ATE1: variants seen among roughly 807,000 people sequenced by gnomAD.
ATE1 encodes the protein arginyl-tRNA--protein transferase 1.
Under a neutral mutation model 70.5 loss-of-function variants are expected in ATE1, and 36 were observed. The observed-to-expected ratio is 0.51, with a 90% CI of 0.39 to 0.67. The LOEUF (loss-of-function observed/expected upper bound fraction) is 0.67. Ranked by LOEUF, ATE1 falls within the 30% of genes least tolerant of loss-of-function variation. The probability of loss-of-function intolerance (pLI) is 0.00; values close to 1 mark genes in which losing one functional copy is unlikely to be tolerated. For missense variants in ATE1, 593 were observed against 629.5 expected, an observed-to-expected ratio of 0.94 and a Z score of 0.62; for synonymous variants, 232 against 219.3, an observed-to-expected ratio of 1.06 and a Z score of -0.51.
At chr10:121,888,954 A>T (rs937727124) in intron 7 of ATE1, among the ~76,000 whole-genome samples, 2 of 152,256 alleles carry the variant, frequency 1.3e-5, no homozygotes, top group Non-Finnish European at 2.9e-5. Flanking sequence ...TCAAGAAAAT[A>T]CCGGTAGTGA....
intron 8 of ATE1, among the ~76,000 whole-genome samples, chr10:121,856,008 G>A (rs1056750598): frequency 3.8e-4 from 57 of 150,632 alleles, no homozygotes; most frequent in Admixed American, 9.9e-4. Context: ...CCCAGGAGGC[G>A]GAGACTGCAG....
At chr10:121,882,747 T>C (rs1056422741) in intron 7 of ATE1, among the ~76,000 whole-genome samples, 3 of 152,204 alleles carry the variant, frequency 2.0e-5, no homozygotes, top group Non-Finnish European at 2.9e-5. Flanking sequence ...AGTCTATCAC[T>C]GGGCACATTT....
chr10:121,859,095 C>A (rs1400444894), intron 8 of ATE1, among the ~76,000 whole-genome samples: 3 of 150,630 alleles, frequency 2.0e-5, no homozygotes, highest in Non-Finnish European at 4.4e-5. Flanking sequence ...AACTCCGTCT[C>A]CAAAAAAAAG....
At chr10:121,863,771 A>T (rs1462756848) in intron 8 of ATE1, among the ~76,000 whole-genome samples, 1 of 152,092 alleles carries the variant, frequency 6.6e-6, no homozygotes, top group East Asian at 1.9e-4. Context: ...CACTACGCCC[A>T]GATAATTTTT....
At chr10:121,772,754 A>C (rs1352757863) in intron 11 of ATE1, among the ~76,000 whole-genome samples, 11 of 152,252 alleles carry the variant, frequency 7.2e-5, no homozygotes. Context: ...TCAACCGCTT[A>C]AGCAGAATTT....
At chr10:121,799,078 C>T (rs1036844992) in intron 10 of ATE1, among the ~76,000 whole-genome samples, 3 of 151,962 alleles carry the variant, frequency 2.0e-5, no homozygotes, top group Non-Finnish European at 2.9e-5. Flanking sequence ...AAATAACTTC[C>T]GAAAACCTTA....
chr10:121,850,873 C>T (rs1026531094), intron 8 of ATE1, among the ~76,000 whole-genome samples: 2 of 151,636 alleles, frequency 1.3e-5, no homozygotes, highest in Non-Finnish European at 2.9e-5. Flanking sequence ...GGGTGGATCA[C>T]GAGGTCAGGA....
chr10:121,876,043 T>C (rs1950039405), intron 7 of ATE1, among the ~76,000 whole-genome samples: 1 of 152,212 alleles, frequency 6.6e-6, no homozygotes, highest in Non-Finnish European at 1.5e-5. Flanking sequence ...AAATACTCAG[T>C]GTGGCACTCT....
intron 10 of ATE1, among the ~76,000 whole-genome samples, chr10:121,802,243 C>G (rs1447725297): frequency 6.6e-6 from 1 of 151,930 alleles, no homozygotes; most frequent in Non-Finnish European, 1.5e-5. Context: ...CTTTAACTCA[C>G]TCACCCCGGG....
At chr10:121,862,532 ATTTTTTTTTTT>A (rs35130703) in intron 8 of ATE1, among the ~76,000 whole-genome samples, 1 of 105,380 alleles carries the variant, frequency 9.5e-6, no homozygotes, top group East Asian at 2.7e-4. Flanking sequence ...AATTTTTTTA[ATTTTTTTTTTT>A]TTTTTTTTTT....
intron 3 of ATE1, among the ~76,000 whole-genome samples, chr10:121,919,537 G>A (rs1178210656): frequency 3.3e-5 from 5 of 151,950 alleles, no homozygotes; most frequent in Non-Finnish European, 7.4e-5. Context: ...CTCCAGCCTG[G>A]GCGACAGCAA....
intron 8 of ATE1, among the ~76,000 whole-genome samples, chr10:121,845,186 C>T (rs1188429845): frequency 6.6e-6 from 1 of 152,106 alleles, no homozygotes; most frequent in Non-Finnish European, 1.5e-5. Flanking sequence ...ACACTATCTC[C>T]AAGGTATGCC....
At position 121,902,398 on chromosome 10, in the gene ATE1, T is replaced by C. The variant is rs779797942; in HGVS notation, c.806A>G (p.Lys269Arg). The change falls in exon 6 of 12, where the codon AAG becomes AGG. Residue 269 changes from lysine to arginine, a missense_variant. Coordinates refer to ENST00000224652, the MANE Select transcript of ATE1 (RefSeq NM_001001976.3). ...FESLPENASHKLEVRVVRSSP... is the reference protein window; with the variant it reads ...FESLPENASHRLEVRVVRSSP... ...AAAAGTCCTCCAAAGTACCTCTAACTTGTGTGATGCATTCTCTGGTAAAGA... is the reference window on the plus strand; with the variant it reads ...AAAAGTCCTCCAAAGTACCTCTAACCTGTGTGATGCATTCTCTGGTAAAGA... The C allele has an allele frequency of 8.1e-6, 13 of 1,613,550 alleles. No individual in the cohort carries two copies. The Middle Eastern group carries it at 5.0e-4, about 61-fold the overall frequency.
Position 121,899,882 on chromosome 10 carries a change from G to A in ATE1, c.926C>T (p.Thr309Met), listed in dbSNP as rs762650353. 4.6e-5 allele frequency: 74 copies of A among 1,611,244 alleles called. No homozygotes were observed. Among genetic ancestry groups the A allele is most frequent in the Non-Finnish European group, 5.5e-5 (65 of 1,178,306 alleles). The change falls in exon 7 of 12, where the codon ACG becomes ATG. Residue 309 changes from threonine to methionine, a missense_variant. By Grantham distance (81) the Thr-to-Met change is moderately conservative. This residue lies in a region of ATE1 where 467 missense variants were observed against 469.6 expected (regional missense o/e 0.99). Coordinates refer to ENST00000224652, the MANE Select transcript of ATE1 (RefSeq NM_001001976.3). Reference sequence around the variant, plus strand: ...CCTGCTGACCTGGCTTTCGGTTGGCGTATCAGGTGGGTTCTTGTGAATAAC... The same window carrying A: ...CCTGCTGACCTGGCTTTCGGTTGGCATATCAGGTGGGTTCTTGTGAATAAC... ...QMVIHKNPPD[T>M]PTESQFTRFL...
chr10:121,860,287 C>A (rs1448697152), intron 8 of ATE1, among the ~76,000 whole-genome samples: 1 of 152,190 alleles, frequency 6.6e-6, no homozygotes, highest in African/African-American at 2.4e-5. Context: ...CTAAGAAAGA[C>A]CAAAGCCTGA....
intron 7 of ATE1, among the ~76,000 whole-genome samples, chr10:121,894,186 C>A (rs1435720956): frequency 1.4e-5 from 2 of 147,670 alleles, no homozygotes. Context: ...ATGGACATAT[C>A]GAGGAAATGG....
intron 5 of ATE1, among the ~76,000 whole-genome samples, chr10:121,905,629 G>T (rs532063359): frequency 1.2e-3 from 180 of 152,126 alleles, no homozygotes; most frequent in African/African-American, 4.2e-3. Flanking sequence ...ATCACCTGAG[G>T]TCAGGAGTTT....
chr10:121,888,333 G>A (rs1162493420), intron 7 of ATE1, among the ~76,000 whole-genome samples: 5 of 152,074 alleles, frequency 3.3e-5, no homozygotes, highest in African/African-American at 1.2e-4. Flanking sequence ...GGCAGAGCTT[G>A]CAGTGAGCCG....
chr10:121,852,811 G>A (rs2133886007), intron 8 of ATE1, among the ~76,000 whole-genome samples: 1 of 152,212 alleles, frequency 6.6e-6, no homozygotes, highest in Admixed American at 6.5e-5. Context: ...TGAAATAATA[G>A]TCTACAGTTA....
Sources: gnomAD v4.1 joint callset for allele counts (sites outside exome capture counted in the v4.1 genomes callset) on GRCh38, gnomAD v4.1.1 for gene constraint, gnomAD v4.1.1 regional missense constraint, MANE v1.5 for transcripts, NCBI Gene and HGNC (gene_info 2026-07-23, HGNC 2026-07-21) for gene names.